The following PRTFDC1 variants were observed in gnomAD, a reference collection of about 807,000 sequenced individuals.
PRTFDC1 encodes the protein phosphoribosyl transferase domain containing 1.
Under a neutral mutation model 34.6 loss-of-function variants are expected in PRTFDC1, and 38 were observed. The observed-to-expected ratio is 1.10, with a 90% CI of 0.85 to 1.44. PRTFDC1 has a LOEUF of 1.44. Ranked by LOEUF, PRTFDC1 falls within the 40% of genes most tolerant of loss-of-function variation. The pLI is 0.00. For missense variants in PRTFDC1, 270 were observed against 283.0 expected (o/e 0.95, Z 0.33); for synonymous variants, 93 against 98.1 (o/e 0.95, Z 0.31).
At chr10:24,863,821 A>G (rs1211360759) in intron 4 of PRTFDC1, among the ~76,000 whole-genome samples, 2 of 152,010 alleles carry the variant, frequency 1.3e-5, no homozygotes, top group East Asian at 1.9e-4. Flanking sequence ...GCTACAGGTA[A>G]TCCTAGCACT....
chr10:24,878,100 C>T (rs1184800277), intron 3 of PRTFDC1, among the ~76,000 whole-genome samples: 9 of 151,800 alleles, frequency 5.9e-5, no homozygotes, highest in Admixed American at 5.9e-4. Flanking sequence ...TGGTGAAACC[C>T]CATCTCTACT....
At chr10:24,872,727 T>TATATATAATACACAAA (rs1847893626) in intron 3 of PRTFDC1, among the ~76,000 whole-genome samples, 2 of 4,060 alleles carry the variant, frequency 4.9e-4, no homozygotes, top group Non-Finnish European at 6.2e-4. Context: ...ATACACAAAA[T>TATATATAATACACAAA]ATATATATAT....
intron 3 of PRTFDC1, among the ~76,000 whole-genome samples, chr10:24,884,160 T>TAA (rs72415102): frequency 2.5e-4 from 37 of 146,478 alleles, no homozygotes; most frequent in South Asian, 4.4e-4. Context: ...CACAATTGTT[T>TAA]AAAAAAAAAA....
chr10:24,902,592 C>T (rs1848466984), intron 3 of PRTFDC1, among the ~76,000 whole-genome samples: 1 of 152,122 alleles, frequency 6.6e-6, no homozygotes, highest in African/African-American at 2.4e-5. Flanking sequence ...TTAGGAAAGG[C>T]GATTTTTCTA....
intron 3 of PRTFDC1, among the ~76,000 whole-genome samples, chr10:24,913,276 G>T (rs1383891763): frequency 6.6e-6 from 1 of 152,138 alleles, no homozygotes; most frequent in Admixed American, 6.5e-5. Context: ...CTATCATTTT[G>T]GAAGGTGTAA....
At chr10:24,849,946 G>A (rs1847455325) in intron 8 of PRTFDC1, 55 bp from the exon 9 acceptor site, 2 of 1,551,972 alleles carry the variant, frequency 1.3e-6, no homozygotes, top group Non-Finnish European at 1.8e-6. Flanking sequence ...ATGAGACACA[G>A]AAAAGGTGAT....
intron 3 of PRTFDC1, among the ~76,000 whole-genome samples, chr10:24,895,725 A>ATC (rs1848349578): frequency 1.4e-5 from 2 of 139,874 alleles, no homozygotes; most frequent in Admixed American, 7.2e-5. Flanking sequence ...ATATATATAT[A>ATC]TATCTGTAAA....
intron 1 of PRTFDC1, among the ~76,000 whole-genome samples, chr10:24,948,784 C>T (rs1252074857): frequency 2.6e-5 from 4 of 152,162 alleles, no homozygotes; most frequent in Non-Finnish European, 5.9e-5. Context: ...GCTCCTTCAC[C>T]AGCCTTAGCT....
At chr10:24,852,079 C>T (rs948753513) in intron 7 of PRTFDC1, among the ~76,000 whole-genome samples, 1 of 152,114 alleles carries the variant, frequency 6.6e-6, no homozygotes, top group East Asian at 1.9e-4. Context: ...AATGAGCTCC[C>T]TACTGAGGGC....
chr10:24,859,695 G>A (rs1209345981), intron 4 of PRTFDC1, among the ~76,000 whole-genome samples: 2 of 152,100 alleles, frequency 1.3e-5, no homozygotes, highest in African/African-American at 4.8e-5. Context: ...CTTTATGTCA[G>A]TGTGAGGAAG....
chr10:24,883,818 CTTTTTTTTTTT>C (rs71399940), intron 3 of PRTFDC1, among the ~76,000 whole-genome samples: 4 of 96,570 alleles, frequency 4.1e-5, no homozygotes, highest in Non-Finnish European at 6.1e-5. Flanking sequence ...CTTAAGAGAC[CTTTTTTTTTTT>C]TTTTTTTTTT....
intron 7 of PRTFDC1, among the ~76,000 whole-genome samples, chr10:24,851,707 C>A (rs1357863832): frequency 6.6e-6 from 1 of 151,760 alleles, no homozygotes; most frequent in East Asian, 1.9e-4. Context: ...ATCTAGCATA[C>A]AGAGTTGAGA....
chr10:24,874,323 T>C (rs1847925200), intron 3 of PRTFDC1, among the ~76,000 whole-genome samples: 1 of 152,190 alleles, frequency 6.6e-6, no homozygotes, highest in Admixed American at 6.5e-5. Context: ...CAAGTAGTCA[T>C]GACAGTGGTT....
At chr10:24,861,554 T>G (rs1847680691) in intron 4 of PRTFDC1, among the ~76,000 whole-genome samples, 1 of 151,868 alleles carries the variant, frequency 6.6e-6, no homozygotes, top group African/African-American at 2.4e-5. Flanking sequence ...ATCAAATAGA[T>G]TGAAAGGTTT....
At chr10:24,888,296 C>T (rs1185229446) in intron 3 of PRTFDC1, among the ~76,000 whole-genome samples, 3 of 152,216 alleles carry the variant, frequency 2.0e-5, no homozygotes, top group African/African-American at 7.2e-5. Flanking sequence ...CAAAGAGTGG[C>T]TCAGACCCTG....
intron 1 of PRTFDC1, among the ~76,000 whole-genome samples, chr10:24,949,732 TTTATTTA>T (rs201892973): frequency 0.012 from 1,367 of 116,356 alleles, 5 homozygotes; most frequent in South Asian, 0.02. Flanking sequence ...TATTTATTTA[TTTATTTA>T]TTTTTTTTTT....
intron 4 of PRTFDC1, among the ~76,000 whole-genome samples, chr10:24,864,031 A>AG (rs1356426223): frequency 1.3e-5 from 2 of 151,604 alleles, no homozygotes; most frequent in African/African-American, 4.8e-5. Flanking sequence ...AAAAAAAAAA[A>AG]AGACTTTAGT....
chr10:24,946,790 A>G (rs1849256717), intron 1 of PRTFDC1, among the ~76,000 whole-genome samples: 1 of 152,226 alleles, frequency 6.6e-6, no homozygotes, highest in Non-Finnish European at 1.5e-5. Flanking sequence ...GTTTTAATTC[A>G]TCTAAAGAAG....
chr10:24,891,912 C>T (rs1387211997), intron 3 of PRTFDC1, among the ~76,000 whole-genome samples: 1 of 152,162 alleles, frequency 6.6e-6, no homozygotes, highest in Non-Finnish European at 1.5e-5. Context: ...AGTTCTCAGG[C>T]CACTTAACAT....
Sources: gnomAD v4.1 joint callset for allele counts (sites outside exome capture counted in the v4.1 genomes callset) on GRCh38, gnomAD v4.1.1 for gene constraint, MANE v1.5 for transcripts, NCBI Gene and HGNC (gene_info 2026-07-23, HGNC 2026-07-21) for gene names.